KIZ: variants seen among roughly 807,000 people sequenced by gnomAD.
KIZ encodes the protein centrosomal protein kizuna.
A neutral mutation model predicts 79.6 loss-of-function variants in KIZ; 68 were observed. The ratio of observed to expected loss-of-function variants is 0.85; its 90% CI spans 0.70 to 1.05. The LOEUF (loss-of-function observed/expected upper bound fraction) is 1.05. Among genes scored for constraint, KIZ ranks in the 50% least tolerant of loss-of-function variants. KIZ has a pLI of 0.00. For synonymous variants in KIZ, 280 were observed against 281.8 expected, an observed-to-expected ratio of 0.99 and a Z score of 0.06; for missense variants, 797 against 800.4, an observed-to-expected ratio of 1.00 and a Z score of 0.05.
chr20:21,208,105 G>T (rs2035913258), intron 7 of KIZ, among the ~76,000 whole-genome samples: 1 of 152,136 alleles, frequency 6.6e-6, no homozygotes. Context: ...TCCCATGCTT[G>T]TTCACTGCAA....
At chr20:21,197,529 A>G (rs1483545050) in intron 6 of KIZ, 1 of 152,230 alleles carries the variant, frequency 6.6e-6, no homozygotes, top group Non-Finnish European at 1.5e-5. Context: ...TGTTAAGATT[A>G]TCTAGCATAC....
At chr20:21,192,787 A>C (rs1203202064) in intron 6 of KIZ, among the ~76,000 whole-genome samples, 1 of 152,182 alleles carries the variant, frequency 6.6e-6, no homozygotes, top group African/African-American at 2.4e-5. Context: ...TTTGGGGCAT[A>C]GTAAATGATT....
intron 6 of KIZ, among the ~76,000 whole-genome samples, chr20:21,169,504 T>C (rs1465963020): frequency 6.6e-6 from 1 of 152,190 alleles, no homozygotes; most frequent in African/African-American, 2.4e-5. Flanking sequence ...GTTCAACCAT[T>C]GTGGAAGTCA....
intron 6 of KIZ, among the ~76,000 whole-genome samples, chr20:21,189,569 C>T (rs1005622287): frequency 5.9e-5 from 9 of 152,102 alleles, no homozygotes; most frequent in Non-Finnish European, 1.0e-4. Flanking sequence ...GGAGAGGGTT[C>T]GTTCTGAAAA....
intron 6 of KIZ, among the ~76,000 whole-genome samples, chr20:21,179,160 A>G (rs1050719393): frequency 6.7e-6 from 1 of 149,288 alleles, no homozygotes; most frequent in African/African-American, 2.5e-5. Context: ...AATTCTTTAA[A>G]TGTCTGGTAG....
At chr20:21,188,585 C>T (rs1353197737) in intron 6 of KIZ, among the ~76,000 whole-genome samples, 3 of 151,462 alleles carry the variant, frequency 2.0e-5, no homozygotes, top group African/African-American at 4.9e-5. Context: ...ACCCTACACC[C>T]TCCACATTTT....
chr20:21,157,798 G>A (rs889965926), intron 4 of KIZ, among the ~76,000 whole-genome samples: 11 of 152,156 alleles, frequency 7.2e-5, no homozygotes, highest in Non-Finnish European at 1.3e-4. Context: ...GGCCTTTAGC[G>A]GATCAAAAGA....
chr20:21,166,483 G>A (rs1211841829), intron 6 of KIZ: 2 of 1,571,032 alleles, frequency 1.3e-6, no homozygotes, highest in Non-Finnish European at 1.7e-6. Context: ...TCATCACAAT[G>A]AGAAACCGGA....
intron 4 of KIZ, among the ~76,000 whole-genome samples, chr20:21,158,114 G>A (rs1013321362): frequency 3.4e-4 from 52 of 152,118 alleles, no homozygotes; most frequent in African/African-American, 1.1e-3. Flanking sequence ...TTACAGTAGT[G>A]GTAATAGGTA....
At chr20:21,217,318 C>A (rs1328620622) in intron 9 of KIZ, among the ~76,000 whole-genome samples, 4 of 152,214 alleles carry the variant, frequency 2.6e-5, no homozygotes, top group African/African-American at 9.6e-5. Flanking sequence ...CTACTTTGAT[C>A]TCTAAGTTCT....
At chr20:21,206,229 C>T (rs1471067688) in intron 7 of KIZ, among the ~76,000 whole-genome samples, 1 of 152,184 alleles carries the variant, frequency 6.6e-6, no homozygotes, top group Non-Finnish European at 1.5e-5. Flanking sequence ...CGGTCCATTA[C>T]TGTACACAGA....
rs1600536357 is a variant in KIZ at position 21,205,796 on chromosome 20, A to G, written c.1446+212A>G. Among the ~76,000 whole-genome samples, 4 of 152,044 alleles carry G rather than the reference A, an allele frequency of 2.6e-5. No homozygotes were observed. In the East Asian group the frequency reaches 5.8e-4, roughly 22 times the overall value. ...GCCAACATGATGAAACCCCGTCTCT[A>G]TTAAAAGTACAAAAATTAGCTGGAT... On this transcript the variant is annotated intron_variant, in intron 7 of 12. Transcript: ENST00000619189.
intron 6 of KIZ, among the ~76,000 whole-genome samples, chr20:21,167,693 C>A (rs2034010604): frequency 6.6e-6 from 1 of 151,182 alleles, no homozygotes; most frequent in South Asian, 2.1e-4. Flanking sequence ...TCCCAAGTAG[C>A]TGGGATTACA....
At chr20:21,229,240 A>C (rs1028045618) in intron 10 of KIZ, 125 bp downstream of exon 10, 1 of 610,946 alleles carries the variant, frequency 1.6e-6, no homozygotes, top group Admixed American at 2.9e-5. Flanking sequence ...TCACCAGGAC[A>C]GAATGAGCTA....
chr20:21,126,664 C>G (rs2031496850), intron 1 of KIZ, among the ~76,000 whole-genome samples: 1 of 151,900 alleles, frequency 6.6e-6, no homozygotes, highest in Non-Finnish European at 1.5e-5. Flanking sequence ...GTGTGTGTGT[C>G]AAACATGTGC....
At chr20:21,174,456 A>G (rs1400713251) in intron 6 of KIZ, among the ~76,000 whole-genome samples, 1 of 152,200 alleles carries the variant, frequency 6.6e-6, no homozygotes, top group Admixed American at 6.5e-5. Flanking sequence ...ATCATCAAAG[A>G]TAATATTTTA....
chr20:21,188,367 A>G (rs1766830971), intron 6 of KIZ, among the ~76,000 whole-genome samples: 1 of 152,208 alleles, frequency 6.6e-6, no homozygotes, highest in Admixed American at 6.5e-5. Context: ...GGCCAAGCAC[A>G]GTTCTACATG....
chr20:21,133,883 C>T (rs752439726), intron 2 of KIZ, among the ~76,000 whole-genome samples: 1 of 152,248 alleles, frequency 6.6e-6, no homozygotes, highest in Non-Finnish European at 1.5e-5. Flanking sequence ...CTGCTCCGCA[C>T]AGTGTCTAAT....
chr20:21,164,501 G>A (rs2033838544), intron 6 of KIZ, among the ~76,000 whole-genome samples: 2 of 152,158 alleles, frequency 1.3e-5, no homozygotes, highest in African/African-American at 4.8e-5. Flanking sequence ...ATTACTGGAG[G>A]TAGAATGTTA....
Sources: gnomAD v4.1 joint callset for allele counts (sites outside exome capture counted in the v4.1 genomes callset) on GRCh38, gnomAD v4.1.1 for gene constraint, MANE v1.5 for transcripts, NCBI Gene and HGNC (gene_info 2026-07-23, HGNC 2026-07-21) for gene names.